Variants in DNAJC15 observed in about 807,000 individuals in gnomAD.
DNAJC15 encodes dnaJ homolog subfamily C member 15.
In DNAJC15, 27 loss-of-function variants were observed where a neutral mutation model predicts 22.4. The observed-to-expected ratio is 1.20, with a 90% CI of 0.89 to 1.66. The LOEUF (loss-of-function observed/expected upper bound fraction) is 1.66, where lower values mean the gene tolerates loss of function less well. Ranked by LOEUF, DNAJC15 falls within the 40% of genes most tolerant of loss-of-function variation. The pLI is 0.00. For synonymous variants in DNAJC15, 79 were observed against 63.2 expected (o/e 1.25, Z -1.19); for missense variants, 208 against 187.1 (o/e 1.11, Z -0.65).
intron 5 of DNAJC15, among the ~76,000 whole-genome samples, chr13:43,090,553 A>G (rs866315681): frequency 3.3e-5 from 5 of 152,200 alleles, no homozygotes; most frequent in South Asian, 4.1e-4. Context: ...TTAAAGGGGA[A>G]AATTTTGCCT....
At chr13:43,060,374 G>A (rs1384259770) in intron 1 of DNAJC15, among the ~76,000 whole-genome samples, 1 of 152,138 alleles carries the variant, frequency 6.6e-6, no homozygotes, top group East Asian at 1.9e-4. Context: ...AACTGAGAAA[G>A]TAAACGAAAG....
Position 43,085,435 on chromosome 13 carries a change from C to T in DNAJC15, c.312-333C>T, listed in dbSNP as rs74503736. ...TACTTGTCTGCTACACCGTATATACCGCCTTCCCCCCAAATAACTTAGAAG... is the reference window on the plus strand; with the variant it reads ...TACTTGTCTGCTACACCGTATATACTGCCTTCCCCCCAAATAACTTAGAAG... On this transcript the variant is annotated intron_variant, in intron 4 of 5. Transcript: ENST00000379221. Among the ~76,000 whole-genome samples the T allele has an allele frequency of 7.8e-3, 1,194 of 152,122 alleles. 13 individuals carry two copies. Among genetic ancestry groups the T allele is most frequent in the African/African-American group, 0.027 (1,139 of 41,490 alleles).
chr13:43,104,283 A>G (rs369601163), intron 5 of DNAJC15, among the ~76,000 whole-genome samples: 246 of 152,150 alleles, frequency 1.6e-3, no homozygotes, highest in African/African-American at 5.5e-3. Context: ...CTAGAGTTTC[A>G]TATATATCTG....
intron 1 of DNAJC15, among the ~76,000 whole-genome samples, chr13:43,025,796 A>G (rs1291612129): frequency 6.6e-6 from 1 of 152,164 alleles, no homozygotes; most frequent in Admixed American, 6.6e-5. Context: ...TCCAGCTAGT[A>G]GGGAGGCTGA....
At chr13:43,060,157 G>A (rs373396570) in intron 1 of DNAJC15, among the ~76,000 whole-genome samples, 110 of 152,202 alleles carry the variant, frequency 7.2e-4, no homozygotes, top group African/African-American at 2.3e-3. Context: ...GTGTTGGAGC[G>A]GCGAAAAATT....
intron 1 of DNAJC15, among the ~76,000 whole-genome samples, chr13:43,027,273 T>C (rs1403316868): frequency 1.3e-5 from 2 of 152,224 alleles, no homozygotes; most frequent in Non-Finnish European, 2.9e-5. Flanking sequence ...CCGGGGTACA[T>C]GTGCTAGATG....
chr13:43,027,958 A>G lies in DNAJC15; in HGVS notation c.108+4224A>G, dbSNP rs555672915. On this transcript the variant is annotated intron_variant, in intron 1 of 5. Coordinates refer to ENST00000379221, the MANE Select transcript of DNAJC15 (RefSeq NM_013238.3). ...AGGGGTGAGCCACCGCACCCGGCCT[A>G]ACTGATTCTTTCCCACTGTTTTTTA... Among the ~76,000 whole-genome samples, 16 of 152,222 alleles carry G rather than the reference A, an allele frequency of 1.1e-4. No homozygotes were observed. The South Asian group carries it at 3.3e-3, about 32-fold the overall frequency.
Position 43,110,063 on chromosome 13 carries a change from T to G in DNAJC15, c.*2815T>G, listed in dbSNP as rs1220110535. On this transcript the variant is annotated 3_prime_UTR_variant, in exon 6 of 6. Coordinates refer to ENST00000379221, the MANE Select transcript of DNAJC15 (RefSeq NM_013238.3). ...AGTAATCATTTATTTTACCCTCGAA[T>G]CTGCAATTTGGATAGAACATGGTGG... 6.6e-6 allele frequency: 1 copy of G among 152,204 alleles called. No homozygotes were observed. Among genetic ancestry groups the G allele is most frequent in the African/African-American group, 2.4e-5 (1 of 41,454 alleles). 9.4% of individuals were successfully genotyped at this position (152,204 alleles called of 1,614,324 possible). A position where few individuals can be genotyped will look rare whatever the true frequency, so the allele number is the denominator to read the frequency against.
At chr13:43,078,542 A>G in intron 3 of DNAJC15, 70 bp from the exon 4 acceptor site, 2 of 1,249,408 alleles carry the variant, frequency 1.6e-6, no homozygotes, top group Non-Finnish European at 2.3e-6. Flanking sequence ...CTGCAGCTAC[A>G]TGATGAGATT....
intron 1 of DNAJC15, among the ~76,000 whole-genome samples, chr13:43,055,528 T>C (rs1331568596): frequency 6.6e-6 from 1 of 152,204 alleles, no homozygotes; most frequent in African/African-American, 2.4e-5. Flanking sequence ...CCTTGACTGT[T>C]CGACCAAGAG....
intron 1 of DNAJC15, among the ~76,000 whole-genome samples, chr13:43,034,467 C>G (rs2040418975): frequency 6.6e-6 from 1 of 151,722 alleles, no homozygotes; most frequent in African/African-American, 2.4e-5. Context: ...AGGTGCCCAC[C>G]ACCGCGCCCG....
intron 1 of DNAJC15, among the ~76,000 whole-genome samples, chr13:43,050,017 C>G (rs937914630): frequency 6.6e-6 from 1 of 152,184 alleles, no homozygotes; most frequent in Non-Finnish European, 1.5e-5. Flanking sequence ...TTCCCAGGTT[C>G]AAGCAGTTCT....
At chr13:43,035,013 C>G (rs908074864) in intron 1 of DNAJC15, among the ~76,000 whole-genome samples, 1 of 152,172 alleles carries the variant, frequency 6.6e-6, no homozygotes, top group Non-Finnish European at 1.5e-5. Context: ...TCCTCCCACC[C>G]AAATGTTCCC....
rs1336196593 is a variant in DNAJC15 at position 43,112,724 on chromosome 13, A to T, written c.*5476A>T. On this transcript the variant is annotated 3_prime_UTR_variant, in exon 6 of 6. Coordinates refer to ENST00000379221, the MANE Select transcript of DNAJC15 (RefSeq NM_013238.3). The stretch of plus-strand genomic sequence containing the variant: ...AGAAACAGGCTCAGAGGAGTTTAGG[A>T]TCTTTTCCAAGATTACATAGCCAGT... The T allele has an allele frequency of 6.6e-6, 1 of 152,168 alleles. No homozygotes were observed. Among genetic ancestry groups the T allele is most frequent in the African/African-American group, 2.4e-5 (1 of 41,432 alleles). The allele number at this position is 152,168 out of a possible 1,614,324, so 9.4% of individuals were successfully genotyped here.
At chr13:43,042,417 T>C (rs1224106091) in intron 1 of DNAJC15, among the ~76,000 whole-genome samples, 1 of 152,168 alleles carries the variant, frequency 6.6e-6, no homozygotes, top group Non-Finnish European at 1.5e-5. Flanking sequence ...AGAAGCAATA[T>C]AGAGCAGGCA....
chr13:43,101,652 T>C (rs1023268399), intron 5 of DNAJC15, among the ~76,000 whole-genome samples: 7 of 152,244 alleles, frequency 4.6e-5, no homozygotes, highest in Non-Finnish European at 8.8e-5. Context: ...ATCATTCTTA[T>C]GCCCTTTCAC....
intron 1 of DNAJC15, among the ~76,000 whole-genome samples, chr13:43,052,272 AT>A (rs1168187611): frequency 6.6e-6 from 1 of 151,894 alleles, no homozygotes; most frequent in Non-Finnish European, 1.5e-5. Context: ...CTATTTTTTG[AT>A]TTTTAAATTA....
intron 1 of DNAJC15, among the ~76,000 whole-genome samples, chr13:43,026,802 G>T (rs1032793543): frequency 2.6e-5 from 4 of 152,194 alleles, no homozygotes; most frequent in African/African-American, 7.2e-5. Context: ...TGGAAGGTCA[G>T]GTGGGAGAAT....
chr13:43,091,410 C>T (rs1300102912), intron 5 of DNAJC15, among the ~76,000 whole-genome samples: 1 of 152,220 alleles, frequency 6.6e-6, no homozygotes, highest in African/African-American at 2.4e-5. Flanking sequence ...TTAAAAGATA[C>T]ACATCTCTTT....
Sources: allele counts gnomAD v4.1 joint callset (sites outside exome capture counted in the v4.1 genomes callset), GRCh38; gene constraint gnomAD v4.1.1; transcripts MANE v1.5; gene names NCBI Gene and HGNC (gene_info 2026-07-23, HGNC 2026-07-21).